RASL11B: variants seen among roughly 807,000 people sequenced by gnomAD.
The protein encoded by RASL11B is RAS like family 11 member B.
RASL11B carries 14 observed loss-of-function variants against 22.9 expected under a neutral mutation model. The ratio of observed to expected loss-of-function variants is 0.61; its 90% CI spans 0.40 to 0.96. RASL11B has a LOEUF of 0.96. Among genes scored for constraint, RASL11B ranks in the 40% least tolerant of loss-of-function variants. The pLI, the probability that RASL11B is intolerant of heterozygous loss-of-function variation, is 0.00. For synonymous variants in RASL11B, 143 were observed against 130.2 expected (o/e 1.10, Z -0.67); for missense variants, 261 against 322.0 (o/e 0.81, Z 1.45).
Position 52,862,583 on chromosome 4 carries a change from G to A in RASL11B, c.76G>A (p.Val26Met). ...PGNAAASDCC[V>M]GAAGRRLVKI... is the part of the protein sequence containing the mutation. Reference sequence around the variant, plus strand: ...CAACGCCGCGGCCTCCGACTGCTGTGTGGGCGCCGCCGGCCGCCGCCTGGT... The same window carrying A: ...CAACGCCGCGGCCTCCGACTGCTGTATGGGCGCCGCCGGCCGCCGCCTGGT... The change falls in exon 1 of 4, where the codon GTG (valine) becomes ATG (methionine). Residue 26 changes from valine (V) to methionine (M), a missense_variant. Val to Met is a conservative substitution (Grantham distance 21). Coordinates refer to ENST00000248706, the MANE Select transcript of RASL11B (RefSeq NM_023940.3). 6.2e-7 allele frequency: 1 copy of A among 1,602,124 alleles called. No individual in the cohort carries two copies. Among genetic ancestry groups the A allele is most frequent in the Non-Finnish European group, 8.5e-7 (1 of 1,176,762 alleles).
Position 52,865,860 on chromosome 4 carries a change from C to T in RASL11B, c.*55C>T. The T allele has an allele frequency of 1.5e-6, 2 of 1,334,060 alleles. No individual in the cohort carries two copies. The highest frequency in any genetic ancestry group is 2.5e-5 in the South Asian group (2 of 79,288). The allele number at this position is 1,334,060 out of a possible 1,614,324, so 82.6% of individuals were successfully genotyped here. A position where few individuals can be genotyped will look rare whatever the true frequency, so the allele number is the denominator to read the frequency against. On this transcript the variant is annotated 3_prime_UTR_variant, in exon 4 of 4. Coordinates refer to ENST00000248706, the MANE Select transcript of RASL11B (RefSeq NM_023940.3). ...CTTCCCAGGAAGAGGGCCTGAGGTTCTCCTAGTGCAGGAACGTTGAATATT... is the reference window on the plus strand; with the variant it reads ...CTTCCCAGGAAGAGGGCCTGAGGTTTTCCTAGTGCAGGAACGTTGAATATT...
Position 52,862,444 on chromosome 4 carries a change from C to T in RASL11B, c.-64C>T. On this transcript the variant is annotated 5_prime_UTR_variant, in exon 1 of 4. Transcript: ENST00000248706. ...GCAGTCGGGTCCTCCCGCCCGCTCCCGCGCAGCGCTAGCATTCTCCAGTCC... is the reference window on the plus strand; with the variant it reads ...GCAGTCGGGTCCTCCCGCCCGCTCCTGCGCAGCGCTAGCATTCTCCAGTCC... 1.3e-6 allele frequency: 2 copies of T among 1,538,598 alleles called. No individual in the cohort carries two copies. Among genetic ancestry groups the T allele is most frequent in the Non-Finnish European group, 1.7e-6 (2 of 1,143,632 alleles).
rs1718253893 is a variant in RASL11B at position 52,866,043 on chromosome 4, C to G, written c.*238C>G. ...ACTCTCTGAATATGTGAAATGTACT[C>G]TGTGTCTTTTCCTTTAGAGTGGGGA... is the stretch of plus-strand genomic sequence containing the variant. On this transcript the variant is annotated 3_prime_UTR_variant, in exon 4 of 4. Coordinates refer to ENST00000248706, the MANE Select transcript of RASL11B (RefSeq NM_023940.3). 2 of 544,442 alleles carry G rather than the reference C, an allele frequency of 3.7e-6. 1 individual carries two copies. The highest frequency in any genetic ancestry group is 6.5e-6 in the Non-Finnish European group (2 of 305,418). 33.7% of individuals were successfully genotyped at this position (544,442 alleles called of 1,614,324 possible).
In RASL11B at chr4:52,862,361, C is replaced by G. The variant is rs968319932; in HGVS notation, c.-147C>G. On this transcript the variant is annotated 5_prime_UTR_variant, in exon 1 of 4. Coordinates refer to ENST00000248706, the MANE Select transcript of RASL11B (RefSeq NM_023940.3). ...AGCCCTGCGGAACCTCGGCGCTCGG[C>G]CCCACCCCGCCCGTACCTGCACTTA... 1.8e-5 allele frequency: 11 copies of G among 613,814 alleles called. No individual in the cohort carries two copies. The highest frequency in any genetic ancestry group is 7.7e-5 in the Admixed American group (2 of 25,888). 38.0% of individuals were successfully genotyped at this position (613,814 alleles called of 1,614,324 possible).
intron 2 of RASL11B, chr4:52,863,646 TAAA>T (rs368078680): frequency 6.2e-4 from 121 of 194,480 alleles, no homozygotes; most frequent in Admixed American, 8.7e-4. Flanking sequence ...GCAAAAGTCG[TAAA>T]AAAAAAAAAA....
intron 2 of RASL11B, among the ~76,000 whole-genome samples, chr4:52,863,845 T>C (rs917985921): frequency 2.6e-5 from 4 of 152,202 alleles, no homozygotes; most frequent in Non-Finnish European, 5.9e-5. Context: ...AGGACACATT[T>C]TTCAATCCTT....
intron 2 of RASL11B, chr4:52,864,249 A>C: frequency 4.6e-6 from 2 of 436,594 alleles, no homozygotes; most frequent in Non-Finnish European, 8.1e-6. Flanking sequence ...TAGATAAATA[A>C]GTTTTCAAAA....
At position 52,862,561 on chromosome 4, in the gene RASL11B, C is replaced by G. The variant is rs1718179128; in HGVS notation, c.54C>G (p.Asn18Lys). 1 of 1,605,114 alleles carries G rather than the reference C, an allele frequency of 6.2e-7. No individual in the cohort carries two copies. The highest frequency in any genetic ancestry group is 8.5e-7 in the Non-Finnish European group (1 of 1,177,364). Reference sequence around the variant, plus strand: ...TCGCCGAGTACCCCGCGCCGGGCAACGCCGCGGCCTCCGACTGCTGTGTGG... The same window carrying G: ...TCGCCGAGTACCCCGCGCCGGGCAAGGCCGCGGCCTCCGACTGCTGTGTGG... Reference protein sequence around the residue: ...CTIAEYPAPGNAAASDCCVGA... With the variant: ...CTIAEYPAPGKAAASDCCVGA... The change falls in exon 1 of 4, where the codon AAC becomes AAG. Residue 18 changes from asparagine to lysine, a missense_variant. By Grantham distance (94) the Asn-to-Lys change is moderately conservative. Coordinates refer to ENST00000248706, the MANE Select transcript of RASL11B (RefSeq NM_023940.3).
intron 2 of RASL11B, chr4:52,864,267 A>G: frequency 2.3e-6 from 1 of 440,214 alleles, no homozygotes; most frequent in East Asian, 3.6e-5. Flanking sequence ...AAAACTTGCA[A>G]ACTTTGCCCT....
In RASL11B at chr4:52,863,256, T is replaced by C. The variant is rs1718196193; in HGVS notation, c.143-12T>C. The C allele has an allele frequency of 6.2e-7, 1 of 1,612,950 alleles. No homozygotes were observed. Among genetic ancestry groups the C allele is most frequent in the Non-Finnish European group, 8.5e-7 (1 of 1,179,272 alleles). ...AGGTTAACACTTTGACGTTCTTTTT[T>C]CTGACGTGCAGCACTGGTGGTCCGG... On this transcript the variant is annotated splice_polypyrimidine_tract_variant and intron_variant, in intron 1 of 3. Coordinates refer to ENST00000248706, the MANE Select transcript of RASL11B (RefSeq NM_023940.3).
chr4:52,865,221 T>C (rs1718234279), intron 3 of RASL11B, 114 bp from the exon 4 acceptor site: 2 of 726,028 alleles, frequency 2.8e-6, no homozygotes, highest in Middle Eastern at 3.7e-4. Flanking sequence ...AAGTTGTTTA[T>C]GGCCCTCAAC....
chr4:52,864,525 C>CTGA lies in RASL11B; in HGVS notation c.248_249insGAT (p.Leu83_Gln84insIle), dbSNP rs2109427968. The CTGA allele has an allele frequency of 6.2e-7, 1 of 1,611,440 alleles. No individual in the cohort carries two copies. Among genetic ancestry groups the CTGA allele is most frequent in the East Asian group, 2.2e-5 (1 of 44,872 alleles). On this transcript the variant is annotated inframe_insertion, in exon 3 of 4. Transcript: ENST00000248706. Reference sequence around the variant, plus strand: ...TCAGATAGAAGGTGAAACCCTGGCTCTTCAGGTTCAAGACACTCCAGGTAT... The same window carrying CTGA: ...TCAGATAGAAGGTGAAACCCTGGCTCTGATTCAGGTTCAAGACACTCCAGGTAT...
rs544027342 is a variant in RASL11B, at chr4:52,863,916, T to C, written c.200-562T>C. ...TTTCTGCCTATGCTCTGTTAGCAAA[T>C]TGCTTAACTCTGTAGACCATATGAG... On this transcript the variant is annotated intron_variant, in intron 2 of 3. Coordinates refer to ENST00000248706, the MANE Select transcript of RASL11B (RefSeq NM_023940.3). Among the ~76,000 whole-genome samples the C allele has an allele frequency of 8.5e-5, 13 of 152,350 alleles. No homozygotes were observed. The South Asian group carries it at 1.2e-3, about 15-fold the overall frequency.
At chr4:52,865,224 C>T (rs1718234321) in intron 3 of RASL11B, 111 bp from the exon 4 acceptor site, 2 of 759,036 alleles carry the variant, frequency 2.6e-6, no homozygotes, top group Non-Finnish European at 4.2e-6. Context: ...TTGTTTATGG[C>T]CCTCAACCTG....
At chr4:52,865,268 T>C in intron 3 of RASL11B, 67 bp from the exon 4 acceptor site, 1 of 1,366,974 alleles carries the variant, frequency 7.3e-7, no homozygotes, top group South Asian at 1.4e-5. Context: ...GAATTTGAAA[T>C]CTACCCAAGC....
Position 52,862,658 on chromosome 4 carries a change from T to C in RASL11B, c.142+9T>C, listed in dbSNP as rs1474576960. ...CGGCGTGGGCAAGACCGGTGAGTCGTCGCGCTTAGCCCTGGGTCTGGTCTT... is the reference window on the plus strand; with the variant it reads ...CGGCGTGGGCAAGACCGGTGAGTCGCCGCGCTTAGCCCTGGGTCTGGTCTT... On this transcript the variant is annotated intron_variant, in intron 1 of 3. Coordinates refer to ENST00000248706, the MANE Select transcript of RASL11B (RefSeq NM_023940.3). 5 of 1,559,228 alleles carry C rather than the reference T, an allele frequency of 3.2e-6. No homozygotes were observed. In the South Asian group the frequency reaches 6.0e-5, roughly 19 times the overall value.
In RASL11B at chr4:52,865,505, C is replaced by T. The variant is rs750054530; in HGVS notation, c.447C>T (p.Val149=). The T allele has an allele frequency of 6.2e-6, 10 of 1,614,184 alleles. No individual in the cohort carries two copies. The highest frequency in any genetic ancestry group is 7.6e-6 in the Non-Finnish European group (9 of 1,180,044). ...TGGGCACCCGGCTGCCTGTGGTGGT[C>T]GTGGCCAACAAAGCTGACCTGTTGC... ...LHLGTRLPVV[V]VANKADLLHI... The change falls in exon 4 of 4, where the codon GTC becomes GTT. Residue 149 remains valine (V), a synonymous_variant. Transcript: ENST00000248706.
chr4:52,863,506 C>T, intron 2 of RASL11B, 182 bp downstream of exon 2: 4 of 615,678 alleles, frequency 6.5e-6, no homozygotes, highest in Non-Finnish European at 1.2e-5. Flanking sequence ...CATCTGGCCT[C>T]ATTCCATTCC....
Position 52,863,351 on chromosome 4 carries a change from C to A in RASL11B, c.199+27C>A, listed in dbSNP as rs766964965. The A allele has an allele frequency of 1.9e-6, 3 of 1,595,694 alleles. No individual in the cohort carries two copies. In the East Asian group the frequency reaches 6.7e-5, roughly 36 times the overall value. ...TGAGACAATGCATTTGAGAAAAATT[C>A]TGTCCCATTGCAGGAGGACTGCGGT... is the stretch of plus-strand genomic sequence containing the variant. On this transcript the variant is annotated intron_variant, in intron 2 of 3. Transcript: ENST00000248706.
Sources: allele counts gnomAD v4.1 joint callset (sites outside exome capture counted in the v4.1 genomes callset), GRCh38; gene constraint gnomAD v4.1.1; transcripts MANE v1.5; gene names NCBI Gene and HGNC (gene_info 2026-07-23, HGNC 2026-07-21).